The following FNDC3A variants were observed in gnomAD, a reference collection of about 807,000 sequenced individuals.
The protein encoded by FNDC3A is fibronectin type-III domain-containing protein 3A.
A neutral mutation model predicts 148.9 loss-of-function variants in FNDC3A; 32 were observed. The observed-to-expected ratio is 0.21, with a 90% confidence interval of 0.16 to 0.29. The LOEUF is 0.29. FNDC3A is among the 10% of genes least tolerant of loss of function. The probability of loss-of-function intolerance (pLI) is 1.00; values close to 1 mark genes in which losing one functional copy is unlikely to be tolerated. For synonymous variants in FNDC3A, 472 were observed against 473.6 expected, an observed-to-expected ratio of 1.00 and a Z score of 0.04; for missense variants, 1,191 against 1,452.8, an observed-to-expected ratio of 0.82 and a Z score of 2.93.
chr13:49,006,339 A>T, intron 2 of FNDC3A, 50 bp downstream of exon 2: 1 of 1,053,374 alleles, frequency 9.5e-7, no homozygotes, highest in Non-Finnish European at 1.4e-6. Flanking sequence ...ACATGTATTT[A>T]TGCAAAATTT....
At chr13:49,009,801 A>G (rs924444260) in intron 2 of FNDC3A, among the ~76,000 whole-genome samples, 1 of 152,166 alleles carries the variant, frequency 6.6e-6, no homozygotes, top group Non-Finnish European at 1.5e-5. Flanking sequence ...CTTAATTTCT[A>G]CTTACTTACC....
chr13:48,993,952 A>C (rs1204204020), intron 1 of FNDC3A, among the ~76,000 whole-genome samples: 1 of 152,228 alleles, frequency 6.6e-6, no homozygotes, highest in African/African-American at 2.4e-5. Context: ...AAAGATATAG[A>C]AAACTGTGTT....
intron 2 of FNDC3A, among the ~76,000 whole-genome samples, chr13:49,008,839 AATAG>A (rs909830386): frequency 2.0e-5 from 3 of 152,138 alleles, no homozygotes; most frequent in African/African-American, 7.2e-5. Context: ...TCATTATTAA[AATAG>A]ATTTTATTTT....
chr13:49,174,340 C>T, intron 11 of FNDC3A, 95 bp from the exon 12 acceptor site: 1 of 966,976 alleles, frequency 1.0e-6, no homozygotes, highest in Non-Finnish European at 1.6e-6. Flanking sequence ...TTTTAGTATA[C>T]ACTTGCTAAT....
intron 25 of FNDC3A, among the ~76,000 whole-genome samples, chr13:49,204,721 TG>T (rs1224778590): frequency 6.6e-6 from 1 of 152,102 alleles, no homozygotes; most frequent in Non-Finnish European, 1.5e-5. Context: ...TGACTTTTCT[TG>T]GGTGTATAAA....
In FNDC3A at chr13:49,200,249, A is replaced by G. The variant is rs182945516; in HGVS notation, c.2988-1551A>G. Reference sequence around the variant, plus strand: ...ACAATGAAATATTCATGGTGCTTGTACATAACCACTCTCTATCAGAAATAC... The same window carrying G: ...ACAATGAAATATTCATGGTGCTTGTGCATAACCACTCTCTATCAGAAATAC... On this transcript the variant is annotated intron_variant, in intron 23 of 25. Transcript: ENST00000492622. Among the ~76,000 whole-genome samples, 809 of 152,320 alleles carry G rather than the reference A, an allele frequency of 5.3e-3. 8 individuals carry two copies. The highest frequency in any genetic ancestry group is 0.019 in the African/African-American group (772 of 41,580).
intron 1 of FNDC3A, among the ~76,000 whole-genome samples, chr13:48,978,695 T>C (rs1020695442): frequency 6.6e-6 from 1 of 152,098 alleles, no homozygotes. Context: ...TAGCATTGCC[T>C]AGCGGACTTC....
At chr13:49,170,082 C>A (rs936602650) in intron 10 of FNDC3A, among the ~76,000 whole-genome samples, 1 of 152,036 alleles carries the variant, frequency 6.6e-6, no homozygotes, top group Non-Finnish European at 1.5e-5. Flanking sequence ...CCTAACATCC[C>A]TATATAAGAT....
rs543211539 is a variant in FNDC3A, at chr13:49,186,199, TATCTC to T, written c.1756+99_1756+103del. 2.0e-4 allele frequency: 208 copies of T among 1,054,422 alleles called. 2 individuals carry two copies. In the Admixed American group the frequency reaches 2.7e-3, roughly 14 times the overall value. The allele number at this position is 1,054,422 out of a possible 1,614,324, so 65.3% of individuals were successfully genotyped here. On this transcript the variant is annotated intron_variant, in intron 15 of 25. Coordinates refer to ENST00000492622, the MANE Select transcript of FNDC3A (RefSeq NM_001079673.2). The stretch of plus-strand genomic sequence containing the variant: ...TTTTAAGATATTTGAGTAAATTTGT[TATCTC>T]AAGCCAGTCCAAAAAGAAATGTGAG...
Position 49,191,401 on chromosome 13 carries a change from G to T in FNDC3A, c.2226+17G>T, listed in dbSNP as rs767473548. The T allele has an allele frequency of 6.5e-7, 1 of 1,544,670 alleles. No individual in the cohort carries two copies. Among genetic ancestry groups the T allele is most frequent in the African/African-American group, 1.4e-5 (1 of 72,044 alleles). The stretch of plus-strand genomic sequence containing the variant: ...AAAATGGGGGTAAGAAGACTGTGCT[G>T]GTAGAATTATAATCACAATGGTGAT... On this transcript the variant is annotated intron_variant, in intron 19 of 25. Coordinates refer to ENST00000492622, the MANE Select transcript of FNDC3A (RefSeq NM_001079673.2).
At chr13:48,993,377 T>A (rs1951955935) in intron 1 of FNDC3A, among the ~76,000 whole-genome samples, 1 of 152,226 alleles carries the variant, frequency 6.6e-6, no homozygotes, top group Non-Finnish European at 1.5e-5. Context: ...CCCAGGAATC[T>A]GTTTTAATAA....
chr13:49,171,928 G>A (rs763600577), intron 10 of FNDC3A, 115 bp from the exon 11 acceptor site: 3 of 688,262 alleles, frequency 4.4e-6, no homozygotes, highest in Non-Finnish European at 5.0e-6. Context: ...ATTTTCGCAG[G>A]ACCAAGTCAC....
At chr13:49,178,702 A>T in intron 14 of FNDC3A, 48 bp downstream of exon 14, 1 of 1,062,378 alleles carries the variant, frequency 9.4e-7, no homozygotes, top group African/African-American at 1.7e-5. Context: ...TCCTATTCTT[A>T]CTGGTGTGGT....
chr13:49,030,494 A>T (rs1402024905), intron 2 of FNDC3A, among the ~76,000 whole-genome samples: 1 of 152,206 alleles, frequency 6.6e-6, no homozygotes, highest in East Asian at 1.9e-4. Context: ...ACTTCTATTC[A>T]ACGTTGTACT....
At position 49,208,575 on chromosome 13, in the gene FNDC3A, G is replaced by A. The variant is rs1250499443; in HGVS notation, c.*1180G>A. ...TGTTGCATTAGAGCACTTTGCAATT[G>A]CATAATTCATTAATGTTTTGTGAGC... On this transcript the variant is annotated 3_prime_UTR_variant, in exon 26 of 26. Transcript: ENST00000492622. 2.0e-5 allele frequency: 3 copies of A among 152,594 alleles called. No individual in the cohort carries two copies. Among genetic ancestry groups the A allele is most frequent in the African/African-American group, 7.2e-5 (3 of 41,432 alleles). 9.5% of individuals were successfully genotyped at this position (152,594 alleles called of 1,614,324 possible). A position where few individuals can be genotyped will look rare whatever the true frequency, so the allele number is the denominator to read the frequency against.
chr13:49,049,584 A>G (rs915140220), intron 2 of FNDC3A, among the ~76,000 whole-genome samples: 8 of 151,890 alleles, frequency 5.3e-5, no homozygotes, highest in Non-Finnish European at 1.0e-4. Context: ...TAGGTTTTCT[A>G]ATTTATACAC....
At chr13:49,123,296 T>C (rs1881479930) in intron 4 of FNDC3A, among the ~76,000 whole-genome samples, 1 of 152,194 alleles carries the variant, frequency 6.6e-6, no homozygotes, top group Admixed American at 6.5e-5. Context: ...GCTAGCCACA[T>C]GCAGAAAACT....
At chr13:49,093,611 T>A (rs1442182312) in intron 3 of FNDC3A, among the ~76,000 whole-genome samples, 2 of 152,168 alleles carry the variant, frequency 1.3e-5, no homozygotes, top group Admixed American at 1.3e-4. Context: ...ACTCAGGCAG[T>A]CTGGCTGCAG....
intron 2 of FNDC3A, among the ~76,000 whole-genome samples, chr13:49,051,112 A>G (rs1205648948): frequency 1.3e-5 from 2 of 152,166 alleles, no homozygotes; most frequent in Non-Finnish European, 2.9e-5. Flanking sequence ...GCCATTCTGT[A>G]TCTTTTAAGT....
Sources: allele counts gnomAD v4.1 joint callset (sites outside exome capture counted in the v4.1 genomes callset), GRCh38; gene constraint gnomAD v4.1.1; transcripts MANE v1.5; gene names NCBI Gene and HGNC (gene_info 2026-07-23, HGNC 2026-07-21).